LGI2: variants seen among roughly 807,000 people sequenced by gnomAD.
LGI2 encodes leucine-rich repeat LGI family member 2.
A neutral mutation model predicts 52.0 loss-of-function variants in LGI2; 30 were observed. The observed-to-expected ratio is 0.58, with a 90% CI of 0.43 to 0.78. The LOEUF (loss-of-function observed/expected upper bound fraction) is 0.78. LGI2 is among the 30% of genes least tolerant of loss of function. The pLI is 0.00. For synonymous variants in LGI2, 270 were observed against 271.8 expected (o/e 0.99, Z 0.06); for missense variants, 573 against 692.5 (o/e 0.83, Z 1.94).
Position 24,999,719 on chromosome 4 carries a change from C to A in LGI2, c.*3732G>T. 1 of 438,396 alleles carries A rather than the reference C, an allele frequency of 2.3e-6. No individual in the cohort carries two copies. The highest frequency in any genetic ancestry group is 4.6e-6 in the Non-Finnish European group (1 of 217,340). The allele number at this position is 438,396 out of a possible 1,614,324, so 27.2% of individuals were successfully genotyped here. On this transcript the variant is annotated 3_prime_UTR_variant, in exon 8 of 8. Transcript: ENST00000382114. ...TTCCATCATGAGCACTCCTGACCGCCAAACCTCTGGCATCCCATGCTGATT... is the reference window on the plus strand; with the variant it reads ...TTCCATCATGAGCACTCCTGACCGCAAAACCTCTGGCATCCCATGCTGATT...
At chr4:25,024,649 T>C (rs1726082666) in intron 4 of LGI2, among the ~76,000 whole-genome samples, 171 bp downstream of exon 4, 1 of 152,242 alleles carries the variant, frequency 6.6e-6, no homozygotes, top group Non-Finnish European at 1.5e-5. Flanking sequence ...TAAAGACAAG[T>C]ATGTGTGTAC....
At chr4:25,025,624 A>C (rs960110270) in intron 3 of LGI2, among the ~76,000 whole-genome samples, 1 of 152,202 alleles carries the variant, frequency 6.6e-6, no homozygotes, top group Non-Finnish European at 1.5e-5. Flanking sequence ...CACTACGACT[A>C]TTCTCTAGGC....
In LGI2 at chr4:25,019,199, A is replaced by G. The variant is rs749135097; in HGVS notation, c.453T>C (p.Asp151=). ...ANNHIKALPR[D]VFSDLDSLIE... ...TCAGAGAGTCTAAATCACTGAAGACATCCCTTGGTAGTGCTTTTATGTGGT... is the reference window on the plus strand; with the variant it reads ...TCAGAGAGTCTAAATCACTGAAGACGTCCCTTGGTAGTGCTTTTATGTGGT... The change falls in exon 5 of 8, where the codon GAT becomes GAC. Residue 151 remains aspartate (D), a synonymous_variant. Coordinates refer to ENST00000382114, the MANE Select transcript of LGI2 (RefSeq NM_018176.4). 1 of 1,609,128 alleles carries G rather than the reference A, an allele frequency of 6.2e-7. No homozygotes were observed. Among genetic ancestry groups the G allele is most frequent in the East Asian group, 2.2e-5 (1 of 44,790 alleles).
chr4:25,007,723 G>A (rs1725439514), intron 7 of LGI2, among the ~76,000 whole-genome samples: 1 of 152,170 alleles, frequency 6.6e-6, no homozygotes, highest in Admixed American at 6.5e-5. Context: ...GAGACGTAGA[G>A]AGAACAAGGG....
In LGI2 at chr4:25,002,160, A is replaced by G. The variant is rs1448746210; in HGVS notation, c.*1291T>C. On this transcript the variant is annotated 3_prime_UTR_variant, in exon 8 of 8. Coordinates refer to ENST00000382114, the MANE Select transcript of LGI2 (RefSeq NM_018176.4). ...GTGGGATTCAGCTTGGCTGGCTCCA[A>G]AGCTGGCCCCTACTGATCAGCCTGA... 1.3e-5 allele frequency: 2 copies of G among 152,246 alleles called. No homozygotes were observed. The highest frequency in any genetic ancestry group is 6.5e-5 in the Admixed American group (1 of 15,286). 9.4% of individuals were successfully genotyped at this position (152,246 alleles called of 1,614,324 possible).
chr4:25,003,709 T>C lies in LGI2; in HGVS notation c.1380A>G (p.Pro460=), dbSNP rs767227137. The change falls in exon 8 of 8, where the codon CCA becomes CCG. Residue 460 remains proline, a synonymous_variant. Coordinates refer to ENST00000382114, the MANE Select transcript of LGI2 (RefSeq NM_018176.4). Reference sequence around the variant, plus strand: ...GCTGCAGGGTCATGGCCCCCCGGGATGGAAGAGCTTGGATCTCCACAAACT... The same window carrying C: ...GCTGCAGGGTCATGGCCCCCCGGGACGGAAGAGCTTGGATCTCCACAAACT... ...SKQFVEIQAL[P]SRGAMTLQPF... The C allele has an allele frequency of 3.7e-6, 6 of 1,614,114 alleles. No individual in the cohort carries two copies. The highest frequency in any genetic ancestry group is 1.3e-5 in the African/African-American group (1 of 74,932).
intron 6 of LGI2, 66 bp from the exon 7 acceptor site, chr4:25,012,565 C>T: frequency 6.5e-7 from 1 of 1,538,818 alleles, no homozygotes; most frequent in Non-Finnish European, 8.9e-7. Context: ...CAACCACCAT[C>T]ACCGTTCCAT....
rs74901868 is a variant in LGI2, at chr4:25,030,513, C to A, written c.181G>T (p.Gly61Cys). Reference protein sequence around the residue: ...GSSWVPRIVPGDISSLSLVNG... With the variant: ...GSSWVPRIVPCDISSLSLVNG... ...CCCACTCACAGGGAGCTGATGTCGC[C>A]CGGCACGATCCTGGGCACCCAGGAA... Residue 61 changes from glycine (G) to cysteine (C), a missense_variant, in exon 1 of 8, where the codon GGC becomes TGC. Transcript: ENST00000382114. 1 of 1,591,408 alleles carries A rather than the reference C, an allele frequency of 6.3e-7. No homozygotes were observed. The highest frequency in any genetic ancestry group is 1.8e-5 in the Admixed American group (1 of 56,388).
At chr4:25,020,948 G>C (rs1431720475) in intron 4 of LGI2, among the ~76,000 whole-genome samples, 3 of 152,150 alleles carry the variant, frequency 2.0e-5, no homozygotes, top group Non-Finnish European at 4.4e-5. Flanking sequence ...ATTTTTAAAA[G>C]GGGGGTGTTC....
rs746222841 is a variant in LGI2 at position 24,999,838 on chromosome 4, G to A, written c.*3613C>T. ...TGCTTCCTGAAGGCTGATGACGGCCGAGAGCAATTCATCACCACTCGTGCA... is the reference window on the plus strand; with the variant it reads ...TGCTTCCTGAAGGCTGATGACGGCCAAGAGCAATTCATCACCACTCGTGCA... On this transcript the variant is annotated 3_prime_UTR_variant, in exon 8 of 8. Coordinates refer to ENST00000382114, the MANE Select transcript of LGI2 (RefSeq NM_018176.4). 3.9e-5 allele frequency: 18 copies of A among 456,060 alleles called. No individual in the cohort carries two copies. The highest frequency in any genetic ancestry group is 3.2e-4 in the Middle Eastern group (1 of 3,098). The allele number at this position is 456,060 out of a possible 1,614,324, so 28.3% of individuals were successfully genotyped here. A position where few individuals can be genotyped will look rare whatever the true frequency, so the allele number is the denominator to read the frequency against.
At position 25,004,006 on chromosome 4, in the gene LGI2, G is replaced by A; in HGVS notation, c.1083C>T (p.Phe361=). 6.2e-7 allele frequency: 1 copy of A among 1,614,188 alleles called. No homozygotes were observed. Among genetic ancestry groups the A allele is most frequent in the Non-Finnish European group, 8.5e-7 (1 of 1,180,036 alleles). ...ACTCGTGCAGTGACTGGTAAGAATA[G>A]AATCCTTTGCTGTTCCATTTATAAA... ...STVYKWNSKG[F]YSYQSLHEWF... is the part of the protein sequence containing the mutation. Residue 361 remains phenylalanine, a synonymous_variant, in exon 8 of 8, where the codon TTC becomes TTT. Transcript: ENST00000382114. The surrounding 1 kb of genome is among the most constrained non-coding windows in gnomAD (Gnocchi z 4.6).
chr4:25,030,502 G>T lies in LGI2; in HGVS notation c.192C>A (p.Ser64Arg). ...WVPRIVPGDISSLSLVNGTFS... is the reference protein window; with the variant it reads ...WVPRIVPGDIRSLSLVNGTFS... ...GCTGGAGGGGTCCCACTCACAGGGA[G>T]CTGATGTCGCCCGGCACGATCCTGG... is the stretch of plus-strand genomic sequence containing the variant. Residue 64 changes from serine (S) to arginine (R), a missense_variant, in exon 1 of 8, where the codon AGC becomes AGA. By Grantham distance (110) the Ser-to-Arg change is moderately radical. Transcript: ENST00000382114. The T allele has an allele frequency of 6.3e-7, 1 of 1,587,388 alleles. No homozygotes were observed. The highest frequency in any genetic ancestry group is 1.8e-5 in the Admixed American group (1 of 55,566).
intron 7 of LGI2, among the ~76,000 whole-genome samples, chr4:25,007,804 C>T (rs1394482501): frequency 6.6e-6 from 1 of 152,154 alleles, no homozygotes; most frequent in African/African-American, 2.4e-5. Flanking sequence ...CAGCTGGAGC[C>T]ATCCCTTTGG....
intron 7 of LGI2, among the ~76,000 whole-genome samples, chr4:25,010,173 A>G (rs1159338657): frequency 6.6e-6 from 1 of 152,068 alleles, no homozygotes; most frequent in East Asian, 2.0e-4. Context: ...CCAACTACTC[A>G]GGAGGCTGAG....
At chr4:25,010,762 G>A (rs1239595898) in intron 7 of LGI2, among the ~76,000 whole-genome samples, 2 of 152,186 alleles carry the variant, frequency 1.3e-5, no homozygotes, top group Non-Finnish European at 2.9e-5. Flanking sequence ...CAGGCTCACG[G>A]CCAACATCGG....
intron 6 of LGI2, among the ~76,000 whole-genome samples, chr4:25,014,528 A>G (rs1331421018): frequency 1.3e-5 from 2 of 150,840 alleles, no homozygotes. Context: ...AGAGAAGGAA[A>G]AAAGAAGAAC....
Position 25,003,842 on chromosome 4 carries a change from T to C in LGI2, c.1247A>G (p.Asn416Ser), listed in dbSNP as rs376533815. The change falls in exon 8 of 8, where the codon AAC becomes AGC. Residue 416 changes from asparagine to serine, a missense_variant. Transcript: ENST00000382114. ...KKFVPHGDIPNMEDVLAVKSF... is the reference protein window; with the variant it reads ...KKFVPHGDIPSMEDVLAVKSF... ...CTTCACAGCCAGTACGTCCTCCATG[T>C]TGGGGATGTCACCATGGGGGACAAA... The C allele has an allele frequency of 4.2e-5, 67 of 1,614,050 alleles. No individual in the cohort carries two copies. Among genetic ancestry groups the C allele is most frequent in the Non-Finnish European group, 3.9e-5 (46 of 1,180,032 alleles).
intron 7 of LGI2, among the ~76,000 whole-genome samples, chr4:25,008,407 T>C (rs918034928): frequency 2.6e-5 from 4 of 151,626 alleles, no homozygotes; most frequent in African/African-American, 9.7e-5. Context: ...ACAAAAATTA[T>C]CCAGGCATGG....
intron 4 of LGI2, 106 bp from the exon 5 acceptor site, chr4:25,019,344 A>G (rs890710198): frequency 1.5e-6 from 1 of 688,934 alleles, no homozygotes; most frequent in Non-Finnish European, 2.6e-6. Flanking sequence ...TTGGTCATCA[A>G]TACTGAGATA....
Sources: gnomAD v4.1 joint callset for allele counts (sites outside exome capture counted in the v4.1 genomes callset) on GRCh38, gnomAD v4.1.1 for gene constraint, Gnocchi (gnomAD v3.1) non-coding constraint, MANE v1.5 for transcripts, NCBI Gene and HGNC (gene_info 2026-07-23, HGNC 2026-07-21) for gene names.